Variants in EXTL3 observed in about 807,000 individuals in gnomAD.
EXTL3 encodes exostosin like glycosyltransferase 3.
Under a neutral mutation model 69.3 loss-of-function variants are expected in EXTL3, and 27 were observed. The observed-to-expected ratio is 0.39, with a 90% CI of 0.29 to 0.54. EXTL3 has a LOEUF of 0.54. EXTL3 is among the 20% of genes least tolerant of loss of function. EXTL3 has a pLI of 0.69. For synonymous variants in EXTL3, 511 were observed against 499.4 expected (o/e 1.02, Z -0.31); for missense variants, 1,003 against 1,231.8 (o/e 0.81, Z 2.78).
Position 28,717,344 on chromosome 8 carries a change from A to G in EXTL3, c.1285A>G (p.Thr429Ala), listed in dbSNP as rs1462617779. The change falls in exon 3 of 7, where the codon ACC becomes GCC. Residue 429 changes from threonine to alanine, a missense_variant. Transcript: ENST00000220562. The surrounding 1 kb of genome is among the most constrained non-coding windows in gnomAD (Gnocchi z 8.3). Reference protein sequence around the residue: ...EDRLELLKLSTFALIITPGDP... With the variant: ...EDRLELLKLSAFALIITPGDP... ...CCGCTTGGAATTGCTGAAGCTCTCC[A>G]CCTTCGCCCTCATCATTACCCCCGG... 2 of 1,613,980 alleles carry G rather than the reference A, an allele frequency of 1.2e-6. No individual in the cohort carries two copies. The highest frequency in any genetic ancestry group is 1.7e-5 in the Admixed American group (1 of 60,006).
chr8:28,725,509 A>G (rs898778507), intron 3 of EXTL3, among the ~76,000 whole-genome samples: 6 of 152,230 alleles, frequency 3.9e-5, no homozygotes, highest in Non-Finnish European at 7.3e-5. Flanking sequence ...ATTTTGATCT[A>G]GAAACTTCTC....
chr8:28,614,340 C>G (rs1391812881), intron 2 of EXTL3, among the ~76,000 whole-genome samples: 1 of 132,138 alleles, frequency 7.6e-6, no homozygotes, highest in African/African-American at 2.9e-5. Context: ...GTGGCACAAT[C>G]TCAACTCACT....
chr8:28,666,481 G>T (rs552844630), intron 1 of EXTL3, among the ~76,000 whole-genome samples: 6 of 152,188 alleles, frequency 3.9e-5, no homozygotes, highest in African/African-American at 1.4e-4. Context: ...TGCCCAGGCT[G>T]GTCTCAAACT....
At position 28,746,920 on chromosome 8, in the gene EXTL3, C is replaced by T. The variant is rs541954253; in HGVS notation, c.2550+3706C>T. On this transcript the variant is annotated intron_variant, in intron 6 of 6. Transcript: ENST00000220562. ...CGATCTCTTGACCTCGTGATCTGCC[C>T]GCCTTGGCCTCCCAAAGTGCTGGGA... 3.3e-5 allele frequency among the ~76,000 whole-genome samples: 5 copies of T among 152,256 alleles called. 1 individual carries two copies. The South Asian group carries it at 6.2e-4, about 19-fold the overall frequency.
intron 1 of EXTL3, among the ~76,000 whole-genome samples, chr8:28,664,909 A>G (rs171302): frequency 0.15 from 21,115 of 138,904 alleles, 2,217 homozygotes; most frequent in African/African-American, 0.29. Flanking sequence ...TTTTTCTCTC[A>G]TATCTTTGAT....
intron 1 of EXTL3, among the ~76,000 whole-genome samples, chr8:28,629,587 G>GCCA (rs1806543142): frequency 6.6e-6 from 1 of 152,046 alleles, no homozygotes; most frequent in South Asian, 2.1e-4. Flanking sequence ...CTCCTGGATG[G>GCCA]GGCCCCTCGG....
chr8:28,720,589 G>T (rs1801273754), intron 3 of EXTL3, among the ~76,000 whole-genome samples: 2 of 152,150 alleles, frequency 1.3e-5, no homozygotes, highest in African/African-American at 4.8e-5. Flanking sequence ...TAGAGTGAAG[G>T]TGATCTTTAT....
chr8:28,732,758 CTG>C (rs1402442076), intron 4 of EXTL3, among the ~76,000 whole-genome samples: 1 of 152,188 alleles, frequency 6.6e-6, no homozygotes, highest in Non-Finnish European at 1.5e-5. Context: ...GAGTCTCACT[CTG>C]TTGCGCAGGC....
intron 1 of EXTL3, among the ~76,000 whole-genome samples, chr8:28,636,541 A>T (rs1322547897): frequency 1.3e-5 from 2 of 152,014 alleles, no homozygotes; most frequent in Non-Finnish European, 2.9e-5. Flanking sequence ...TGTAACTTTG[A>T]TCTCAACTGG....
intron 6 of EXTL3, among the ~76,000 whole-genome samples, chr8:28,745,194 T>C (rs555020506): frequency 6.6e-6 from 1 of 152,138 alleles, no homozygotes; most frequent in Non-Finnish European, 1.5e-5. Context: ...GGCATTGTAG[T>C]GAGAAAGAAG....
chr8:28,675,594 A>G (rs556452439), intron 1 of EXTL3, among the ~76,000 whole-genome samples: 2 of 152,310 alleles, frequency 1.3e-5, no homozygotes, highest in East Asian at 3.9e-4. Context: ...TGAGCTGACC[A>G]CTTTCTGATG....
chr8:28,648,076 A>C (rs1425451371), intron 1 of EXTL3, among the ~76,000 whole-genome samples: 1 of 152,098 alleles, frequency 6.6e-6, no homozygotes, highest in African/African-American at 2.4e-5. Flanking sequence ...TGTTGTATGA[A>C]TATTGGATAA....
intron 4 of EXTL3, among the ~76,000 whole-genome samples, chr8:28,735,794 T>C (rs935530766): frequency 6.6e-6 from 1 of 152,160 alleles, no homozygotes; most frequent in African/African-American, 2.4e-5. Context: ...ATACAATCAA[T>C]CATAAGGGAC....
intron 1 of EXTL3, among the ~76,000 whole-genome samples, chr8:28,630,270 A>G (rs1806552863): frequency 6.6e-6 from 1 of 152,168 alleles, no homozygotes; most frequent in African/African-American, 2.4e-5. Flanking sequence ...CTGCCATGTA[A>G]GATGTGCCTT....
At chr8:28,737,320 C>G (rs1285207939) in intron 4 of EXTL3, among the ~76,000 whole-genome samples, 199 bp from the exon 5 acceptor site, 2 of 151,852 alleles carry the variant, frequency 1.3e-5, no homozygotes, top group Non-Finnish European at 2.9e-5. Flanking sequence ...TGTGCAGGTG[C>G]TTATTAAGGA....
Position 28,715,984 on chromosome 8 carries a change from A to G in EXTL3, c.-76A>G. 2.5e-6 allele frequency: 3 copies of G among 1,208,970 alleles called. No homozygotes were observed. The highest frequency in any genetic ancestry group is 2.4e-6 in the Non-Finnish European group (2 of 845,094). The allele number at this position is 1,208,970 out of a possible 1,614,324, so 74.9% of individuals were successfully genotyped here. On this transcript the variant is annotated 5_prime_UTR_variant, in exon 3 of 7. Coordinates refer to ENST00000220562, the MANE Select transcript of EXTL3 (RefSeq NM_001440.4). ...CTGGAAACGTGTCAGTGAAACAGAGATCGTTTTGTGGAATAGCAACCCATG... is the reference window on the plus strand; with the variant it reads ...CTGGAAACGTGTCAGTGAAACAGAGGTCGTTTTGTGGAATAGCAACCCATG...
chr8:28,747,270 G>A (rs1045084752), intron 6 of EXTL3, among the ~76,000 whole-genome samples: 4 of 152,166 alleles, frequency 2.6e-5, no homozygotes, highest in African/African-American at 4.8e-5. Flanking sequence ...CAGTGCTGAC[G>A]TGATCCCGAA....
At chr8:28,643,572 AC>A (rs1806780300) in intron 1 of EXTL3, among the ~76,000 whole-genome samples, 2 of 148,280 alleles carry the variant, frequency 1.3e-5, no homozygotes, top group South Asian at 2.1e-4. Context: ...CCGCTACCAC[AC>A]CCGGCTAATT....
chr8:28,713,315 A>C, intron 1 of EXTL3, 142 bp from the exon 2 acceptor site: 1 of 562,740 alleles, frequency 1.8e-6, no homozygotes. Flanking sequence ...ACAGTAAATT[A>C]TTTGGTGACC....
Sources: allele counts gnomAD v4.1 joint callset (sites outside exome capture counted in the v4.1 genomes callset), GRCh38; gene constraint gnomAD v4.1.1; non-coding constraint Gnocchi (gnomAD v3.1); transcripts MANE v1.5; gene names NCBI Gene and HGNC (gene_info 2026-07-23, HGNC 2026-07-21).